Variants in NALF1 observed in about 807,000 individuals in gnomAD.
The protein encoded by NALF1 is NALCN channel auxiliary factor 1, also known as family with sequence similarity 155 member A.
NALF1 carries 3 observed loss-of-function variants against 48.4 expected under a neutral mutation model. The ratio of observed to expected loss-of-function variants is 0.06; its 90% confidence interval spans 0.03 to 0.16. The LOEUF (loss-of-function observed/expected upper bound fraction) is 0.16. NALF1 is among the 10% of genes least tolerant of loss of function. NALF1 has a pLI of 1.00. For synonymous variants in NALF1, 262 were observed against 245.7 expected (o/e 1.07, Z -0.62); for missense variants, 526 against 571.5 (o/e 0.92, Z 0.81).
At chr13:107,305,428 C>CT (rs902985676) in intron 1 of NALF1, among the ~76,000 whole-genome samples, 1 of 152,066 alleles carries the variant, frequency 6.6e-6, no homozygotes, top group East Asian at 1.9e-4. Flanking sequence ...TATCCACAAA[C>CT]TTTTTTTTAA....
At chr13:107,799,704 A>G (rs768527951) in intron 1 of NALF1, among the ~76,000 whole-genome samples, 4 of 152,252 alleles carry the variant, frequency 2.6e-5, no homozygotes, top group Non-Finnish European at 4.4e-5. Flanking sequence ...AAAGACAAAA[A>G]GCAATCAAAA....
chr13:107,857,556 A>G (rs772714391), intron 1 of NALF1, among the ~76,000 whole-genome samples: 9 of 152,218 alleles, frequency 5.9e-5, no homozygotes, highest in Non-Finnish European at 8.8e-5. Context: ...TTACGCACCT[A>G]TCAGGATCCA....
rs140839932 is a variant in NALF1 at position 107,393,968 on chromosome 13, C to T, written c.916-183213G>A. On this transcript the variant is annotated intron_variant, in intron 1 of 2. Transcript: ENST00000375915. ...AGCTAAAACAATAAAAAGTAAATTGCTATATAATACCTGTAGAGATTGGTA... is the reference window on the plus strand; with the variant it reads ...AGCTAAAACAATAAAAAGTAAATTGTTATATAATACCTGTAGAGATTGGTA... 4.0e-3 allele frequency among the ~76,000 whole-genome samples: 612 copies of T among 152,116 alleles called. 4 individuals are homozygous for T. The highest frequency in any genetic ancestry group is 0.014 in the African/African-American group (584 of 41,516).
At chr13:107,824,788 G>C (rs987871023) in intron 1 of NALF1, among the ~76,000 whole-genome samples, 1 of 152,194 alleles carries the variant, frequency 6.6e-6, no homozygotes, top group Non-Finnish European at 1.5e-5. Flanking sequence ...GCAGGTGCAC[G>C]TGGTGTTCAG....
chr13:107,254,062 A>AAAAAAAAAAAAATATATATAT, intron 1 of NALF1, among the ~76,000 whole-genome samples: 8 of 138,678 alleles, frequency 5.8e-5, no homozygotes, highest in East Asian at 2.1e-4. Context: ...CAAGTACTAA[A>AAAAAAAAAAAAATATATATAT]ATATATATAT....
chr13:107,284,165 G>A (rs908850276), intron 1 of NALF1, among the ~76,000 whole-genome samples: 1 of 152,078 alleles, frequency 6.6e-6, no homozygotes, highest in Non-Finnish European at 1.5e-5. Context: ...GCGTTTGAAA[G>A]CACTTAGATA....
intron 1 of NALF1, among the ~76,000 whole-genome samples, chr13:107,493,664 T>C (rs1033463010): frequency 4.6e-5 from 7 of 151,830 alleles, no homozygotes; most frequent in East Asian, 1.9e-4. Flanking sequence ...ATCACTTGAG[T>C]CCAGGAGTTC....
At chr13:107,798,734 T>C (rs974717200) in intron 1 of NALF1, among the ~76,000 whole-genome samples, 1 of 152,226 alleles carries the variant, frequency 6.6e-6, no homozygotes, top group Non-Finnish European at 1.5e-5. Context: ...TTTGCCACTA[T>C]GAGATAAGAC....
At chr13:107,402,177 A>G (rs1213494931) in intron 1 of NALF1, among the ~76,000 whole-genome samples, 1 of 152,182 alleles carries the variant, frequency 6.6e-6, no homozygotes, top group Non-Finnish European at 1.5e-5. Flanking sequence ...CAGTCTTGCC[A>G]GCAGACTCTC....
chr13:107,419,795 A>T (rs1884155482), intron 1 of NALF1, among the ~76,000 whole-genome samples: 3 of 152,242 alleles, frequency 2.0e-5, no homozygotes, highest in African/African-American at 4.8e-5. Flanking sequence ...AAGCAAATTG[A>T]TAAACTATTT....
At chr13:107,673,825 A>G (rs1385253943) in intron 1 of NALF1, among the ~76,000 whole-genome samples, 1 of 152,174 alleles carries the variant, frequency 6.6e-6, no homozygotes, top group Non-Finnish European at 1.5e-5. Context: ...AATTAAAAAA[A>G]TAATAGTAAT....
At chr13:107,292,848 T>C (rs1485723717) in intron 1 of NALF1, among the ~76,000 whole-genome samples, 1 of 152,230 alleles carries the variant, frequency 6.6e-6, no homozygotes, top group East Asian at 1.9e-4. Flanking sequence ...GGCACTAGAC[T>C]TTTATATGAC....
chr13:107,802,730 G>A (rs1002020137), intron 1 of NALF1, among the ~76,000 whole-genome samples: 14 of 152,134 alleles, frequency 9.2e-5, no homozygotes, highest in South Asian at 2.1e-4. Context: ...TAAAATAAAT[G>A]TTAGGGTGTA....
At chr13:107,538,061 T>C (rs928166768) in intron 1 of NALF1, among the ~76,000 whole-genome samples, 2 of 151,998 alleles carry the variant, frequency 1.3e-5, no homozygotes, top group Non-Finnish European at 2.9e-5. Context: ...TTCTTCAAAC[T>C]TTCCAGAGCA....
chr13:107,530,636 T>C (rs936439676), intron 1 of NALF1, among the ~76,000 whole-genome samples: 1 of 152,108 alleles, frequency 6.6e-6, no homozygotes, highest in Non-Finnish European at 1.5e-5. Context: ...ATACTATCTG[T>C]TGAGGCAGCC....
At chr13:107,798,555 G>A (rs890158719) in intron 1 of NALF1, among the ~76,000 whole-genome samples, 3 of 151,030 alleles carry the variant, frequency 2.0e-5, no homozygotes, top group Admixed American at 6.6e-5. Flanking sequence ...TTCAGTTCTC[G>A]TGTTTGTGTT....
At chr13:107,863,846 G>T (rs892354371) in intron 1 of NALF1, among the ~76,000 whole-genome samples, 1 of 152,072 alleles carries the variant, frequency 6.6e-6, no homozygotes. Context: ...AGATGTATTT[G>T]GCATGCTCAT....
intron 1 of NALF1, among the ~76,000 whole-genome samples, chr13:107,812,484 T>C (rs997599517): frequency 6.6e-6 from 1 of 152,098 alleles, no homozygotes; most frequent in African/African-American, 2.4e-5. Context: ...AGCAATGTGA[T>C]TTTTAGTCAT....
At chr13:107,358,668 A>C (rs1334311603) in intron 1 of NALF1, among the ~76,000 whole-genome samples, 2 of 152,198 alleles carry the variant, frequency 1.3e-5, no homozygotes, top group African/African-American at 4.8e-5. Context: ...CATCATCAGA[A>C]GAGTAAACTC....
Sources: gnomAD v4.1 joint callset for allele counts (sites outside exome capture counted in the v4.1 genomes callset) on GRCh38, gnomAD v4.1.1 for gene constraint, MANE v1.5 for transcripts, NCBI Gene and HGNC (gene_info 2026-07-23, HGNC 2026-07-21) for gene names.